Variants in H2BC4 observed in about 807,000 individuals in gnomAD.
H2BC4 encodes H2B clustered histone 4.
H2BC4 carries 10 observed loss-of-function variants against 6.2 expected under a neutral mutation model. The observed-to-expected ratio is 1.61, with a 90% confidence interval of 0.99 to 2.73. H2BC4 has a LOEUF of 2.73. Among genes scored for constraint, H2BC4 ranks in the 30% most tolerant of loss-of-function variants. The pLI is 0.00. For synonymous variants in H2BC4, 146 were observed against 70.7 expected (o/e 2.07, Z -5.35); for missense variants, 176 against 168.7 (o/e 1.04, Z -0.24).
At chr6:26,120,747 T>C (rs1358148785), downstream of H2BC4, among the ~76,000 whole-genome samples, 3 of 152,218 alleles carry the variant, frequency 2.0e-5, no homozygotes, top group Admixed American at 2.0e-4. Context: ...TTTGTTTTAT[T>C]CAGATATTGA....
At chr6:26,122,751 G>A (rs985691244), downstream of H2BC4, among the ~76,000 whole-genome samples, 2 of 152,136 alleles carry the variant, frequency 1.3e-5, no homozygotes, top group East Asian at 3.8e-4. Flanking sequence ...TTTCAATCAG[G>A]CAACACACCA....
chr6:26,123,452 C>G (rs893626140), downstream of H2BC4: 2 of 1,587,880 alleles, frequency 1.3e-6, no homozygotes, highest in Non-Finnish European at 1.7e-6. Context: ...GGCCACAGCT[C>G]TTTTAGTGGG....
downstream of H2BC4, among the ~76,000 whole-genome samples, chr6:26,113,410 A>G (rs113558862): frequency 6.6e-6 from 1 of 152,202 alleles, no homozygotes; most frequent in South Asian, 2.1e-4. Context: ...AAGATGAGGC[A>G]TTTGTCTCCT....
At chr6:26,119,753 A>G (rs1432385152), downstream of H2BC4, among the ~76,000 whole-genome samples, 1 of 151,824 alleles carries the variant, frequency 6.6e-6, no homozygotes, top group East Asian at 1.9e-4. Context: ...TATTATTTTT[A>G]CAGTATAAGA....
chr6:26,123,706 C>A lies in H2BC4; in HGVS notation c.199G>T (p.Val67Phe), dbSNP rs773177860. The change falls in exon 1 of 1, where the codon GTT becomes TTT. Residue 67 changes from valine (V) to phenylalanine (F), a missense_variant. Transcript: ENST00000396984. Reference sequence around the variant, plus strand: ...GCGATGCGCTCAAATATGTCGTTAACGAAAGAATTCATGATGCCCATGGCC... The same window carrying A: ...GCGATGCGCTCAAATATGTCGTTAAAGAAAGAATTCATGATGCCCATGGCC... ...SKAMGIMNSF[V>F]NDIFERIAGE... The A allele has an allele frequency of 1.7e-5, 28 of 1,614,132 alleles. No individual in the cohort carries two copies. Among genetic ancestry groups the A allele is most frequent in the Non-Finnish European group, 2.3e-5 (27 of 1,180,062 alleles).
At chr6:26,118,126 T>C (rs765717923) in intron 1 of H2BC4, among the ~76,000 whole-genome samples, 5 of 152,226 alleles carry the variant, frequency 3.3e-5, no homozygotes, top group Non-Finnish European at 4.4e-5. Flanking sequence ...TGAGTTTGTT[T>C]AGTTTTTTGT....
At chr6:26,123,347 C>A (rs1561955186), downstream of H2BC4, 23 of 1,133,638 alleles carry the variant, frequency 2.0e-5, no homozygotes, top group Non-Finnish European at 2.7e-5. Context: ...GGGTTCAGGA[C>A]CCTTTGTCCC....
intron 1 of H2BC4, among the ~76,000 whole-genome samples, chr6:26,118,440 A>G (rs1371103010): frequency 6.6e-6 from 1 of 152,214 alleles, no homozygotes; most frequent in Non-Finnish European, 1.5e-5. Flanking sequence ...ATTCTTATTT[A>G]GGAACTTTTA....
chr6:26,123,234 T>TA, downstream of H2BC4: 1 of 471,746 alleles, frequency 2.1e-6, no homozygotes, highest in Non-Finnish European at 3.7e-6. Flanking sequence ...AGCCTGCGGT[T>TA]TCTTCCGGGA....
In H2BC4 at chr6:26,123,508, C is replaced by G. The variant is rs1396624468; in HGVS notation, c.*16G>C. ...GAGCCTTTGGGGTTAGGTGTTAAGA[C>G]GCTTACTTGGAATGTTTACTTGGAG... On this transcript the variant is annotated 3_prime_UTR_variant, in exon 1 of 1. Transcript: ENST00000396984. 2 of 1,614,174 alleles carry G rather than the reference C, an allele frequency of 1.2e-6. No homozygotes were observed. The highest frequency in any genetic ancestry group is 2.2e-5 in the South Asian group (2 of 91,084).
chr6:26,123,239 C>T, downstream of H2BC4: 1 of 487,344 alleles, frequency 2.1e-6, no homozygotes, highest in Non-Finnish European at 3.5e-6. Context: ...GCGGTTTCTT[C>T]CGGGAACGCC....
chr6:26,121,797 T>C (rs1190358902), downstream of H2BC4, among the ~76,000 whole-genome samples: 1 of 150,988 alleles, frequency 6.6e-6, no homozygotes, highest in Non-Finnish European at 1.5e-5. Flanking sequence ...CTCAAGCCTG[T>C]AATCCAGGAC....
chr6:26,123,087 T>G (rs1170237018), downstream of H2BC4, among the ~76,000 whole-genome samples: 1 of 152,190 alleles, frequency 6.6e-6, no homozygotes, highest in African/African-American at 2.4e-5. Flanking sequence ...TCAAAACAGC[T>G]TTCCCTCGAT....
Position 26,123,485 on chromosome 6 carries a change from G to C in H2BC4, c.*39C>G. 6.2e-7 allele frequency: 1 copy of C among 1,612,958 alleles called. No individual in the cohort carries two copies. On this transcript the variant is annotated 3_prime_UTR_variant, in exon 1 of 1. Transcript: ENST00000396984. The stretch of plus-strand genomic sequence containing the variant: ...GGGTATCTGGGTGGCTCTTAAAAGA[G>C]CCTTTGGGGTTAGGTGTTAAGACGC...
chr6:26,122,962 G>C, downstream of H2BC4, among the ~76,000 whole-genome samples: 1 of 152,136 alleles, frequency 6.6e-6, no homozygotes, highest in East Asian at 1.9e-4. Flanking sequence ...GGAAACCCAG[G>C]AGACACACCC....
At chr6:26,118,390 CA>C (rs1318099603) in intron 1 of H2BC4, among the ~76,000 whole-genome samples, 1 of 152,034 alleles carries the variant, frequency 6.6e-6, no homozygotes, top group Non-Finnish European at 1.5e-5. Context: ...TATTTTGACT[CA>C]AATGTGGGCC....
chr6:26,122,965 A>G (rs1763524390), downstream of H2BC4, among the ~76,000 whole-genome samples: 1 of 152,286 alleles, frequency 6.6e-6, no homozygotes, highest in East Asian at 1.9e-4. Flanking sequence ...AACCCAGGAG[A>G]CACACCCTTC....
At chr6:26,123,390 T>C (rs1763537921), downstream of H2BC4, 2 of 1,434,806 alleles carry the variant, frequency 1.4e-6, no homozygotes, top group Non-Finnish European at 1.9e-6. Flanking sequence ...CCCACCCCTC[T>C]CCAGTTCCTA....
In H2BC4 at chr6:26,123,613, C is replaced by A. The variant is rs754134252; in HGVS notation, c.292G>T (p.Ala98Ser). Residue 98 changes from alanine (A) to serine (S), a missense_variant, in exon 1 of 1, where the codon GCC becomes TCC. Physicochemically the swap from Ala to Ser is moderately conservative, Grantham distance 99 (BLOSUM62 1). Transcript: ENST00000396984. ...TCTCCGGGAAGCAGCAGGCGCACGG[C>A]CGTCTGGATCTCCCTGGAGGTGATG... ...STITSREIQT[A>S]VRLLLPGELA... is the part of the protein sequence containing the mutation. 2 of 1,614,278 alleles carry A rather than the reference C, an allele frequency of 1.2e-6. No homozygotes were observed. Among genetic ancestry groups the A allele is most frequent in the Non-Finnish European group, 8.5e-7 (1 of 1,180,048 alleles).
Sources: allele counts gnomAD v4.1 joint callset (sites outside exome capture counted in the v4.1 genomes callset), GRCh38; gene constraint gnomAD v4.1.1; transcripts MANE v1.5; gene names NCBI Gene and HGNC (gene_info 2026-07-23, HGNC 2026-07-21).